Variants in ZHX3 observed in about 807,000 individuals in gnomAD.
ZHX3 encodes zinc fingers and homeoboxes protein 3.
A neutral mutation model predicts 64.5 loss-of-function variants in ZHX3; 20 were observed. The ratio of observed to expected loss-of-function variants is 0.31; its 90% CI spans 0.22 to 0.45. The LOEUF is 0.45. Among genes scored for constraint, ZHX3 ranks in the 20% least tolerant of loss-of-function variants. ZHX3 has a pLI of 1.00. For missense variants in ZHX3, 1,041 were observed against 1,195.8 expected (o/e 0.87, Z 1.91); for synonymous variants, 423 against 461.6 (o/e 0.92, Z 1.07).
At chr20:41,293,755 A>T (rs1305736076) in intron 1 of ZHX3, among the ~76,000 whole-genome samples, 1 of 152,238 alleles carries the variant, frequency 6.6e-6, no homozygotes, top group Non-Finnish European at 1.5e-5. Flanking sequence ...CCTGAAGAAG[A>T]GGTGACAATG....
At chr20:41,227,698 T>A (rs1600843796) in intron 2 of ZHX3, among the ~76,000 whole-genome samples, 1 of 152,392 alleles carries the variant, frequency 6.6e-6, no homozygotes, top group South Asian at 2.1e-4. Flanking sequence ...TCTGCCATTA[T>A]GAATTTGGTA....
intron 2 of ZHX3, among the ~76,000 whole-genome samples, chr20:41,218,991 G>A (rs1170601016): frequency 1.4e-5 from 2 of 147,568 alleles, no homozygotes; most frequent in South Asian, 2.2e-4. Flanking sequence ...GTGCAGTGGC[G>A]CGATCTCGGC....
chr20:41,249,725 C>T (rs2041895562), intron 2 of ZHX3, among the ~76,000 whole-genome samples: 1 of 152,224 alleles, frequency 6.6e-6, no homozygotes, highest in African/African-American at 2.4e-5. Context: ...ATGGTCTAAA[C>T]CCATTTCTCT....
chr20:41,237,253 C>G (rs563225861), intron 2 of ZHX3, among the ~76,000 whole-genome samples: 2 of 152,258 alleles, frequency 1.3e-5, no homozygotes, highest in Admixed American at 1.3e-4. Flanking sequence ...CCCAGCCATC[C>G]CATTACTGGG....
At chr20:41,250,477 A>T (rs530715441) in intron 2 of ZHX3, among the ~76,000 whole-genome samples, 3 of 152,216 alleles carry the variant, frequency 2.0e-5, no homozygotes, top group Admixed American at 1.3e-4. Flanking sequence ...TGAGGCCAGG[A>T]GTTCGAGACC....
At position 41,218,932 on chromosome 20, in the gene ZHX3, T is replaced by G. The variant is rs74273535; in HGVS notation, c.-150-13866A>C. 3.4e-3 allele frequency among the ~76,000 whole-genome samples: 491 copies of G among 145,038 alleles called. 30 individuals are homozygous for G. In the East Asian group the frequency reaches 0.089, roughly 26 times the overall value. Reference sequence around the variant, plus strand: ...CCCCTCAAACAGTGCTGTTTTTTTTTTTTTTTTTTTTTTTTGAGACGGAGT... The same window carrying G: ...CCCCTCAAACAGTGCTGTTTTTTTTGTTTTTTTTTTTTTTTGAGACGGAGT... On this transcript the variant is annotated intron_variant, in intron 2 of 3. Transcript: ENST00000683867.
intron 2 of ZHX3, among the ~76,000 whole-genome samples, chr20:41,249,001 C>A (rs1393360560): frequency 6.6e-6 from 1 of 152,198 alleles, no homozygotes; most frequent in Admixed American, 6.5e-5. Flanking sequence ...AAATAGTATG[C>A]AATTTTAACC....
Position 41,219,702 on chromosome 20 carries a change from G to T in ZHX3, c.-150-14636C>A, listed in dbSNP as rs1250539666. On this transcript the variant is annotated intron_variant, in intron 2 of 3. Transcript: ENST00000683867. The surrounding 1 kb of genome is among the most constrained non-coding windows in gnomAD (Gnocchi z 5.0). ...CTCAAGAAGCTAACAGTCTGTTGTGGTTATTAAGCTATCCACCAGGGCTCT... is the reference window on the plus strand; with the variant it reads ...CTCAAGAAGCTAACAGTCTGTTGTGTTTATTAAGCTATCCACCAGGGCTCT... Among the ~76,000 whole-genome samples, 1 of 152,258 alleles carries T rather than the reference G, an allele frequency of 6.6e-6. No homozygotes were observed. The highest frequency in any genetic ancestry group is 1.9e-4 in the East Asian group (1 of 5,206).
At chr20:41,240,418 A>G (rs1225121682) in intron 2 of ZHX3, among the ~76,000 whole-genome samples, 2 of 152,296 alleles carry the variant, frequency 1.3e-5, no homozygotes, top group South Asian at 4.1e-4. Flanking sequence ...TTGTAGGTAC[A>G]TGGTAGGTAT....
In ZHX3 at chr20:41,195,016, A is replaced by C. The variant is rs188377414; in HGVS notation, c.2860+7041T>G. Among the ~76,000 whole-genome samples the C allele has an allele frequency of 1.3e-5, 2 of 152,010 alleles. No individual in the cohort carries two copies. The highest frequency in any genetic ancestry group is 2.9e-5 in the Non-Finnish European group (2 of 68,004). ...CAACTTTTGGTTTCATTGATTCTCT[A>C]TATCTGCTCTAACCTTTATTTCCTT... On this transcript the variant is annotated intron_variant, in intron 3 of 3. Coordinates refer to ENST00000683867, the MANE Select transcript of ZHX3 (RefSeq NM_001384317.1). The surrounding 1 kb of genome is among the most constrained non-coding windows in gnomAD (Gnocchi z 4.2).
In ZHX3 at chr20:41,195,694, G is replaced by A. The variant is rs1382826802; in HGVS notation, c.2860+6363C>T. ...GCCTCCCAAAGTGTGGGGATTACAGGCATAAGCCACTGCGCCCAGCGTAAG... is the reference window on the plus strand; with the variant it reads ...GCCTCCCAAAGTGTGGGGATTACAGACATAAGCCACTGCGCCCAGCGTAAG... On this transcript the variant is annotated intron_variant, in intron 3 of 3. Transcript: ENST00000683867. The surrounding 1 kb of genome is among the most constrained non-coding windows in gnomAD (Gnocchi z 4.2). Among the ~76,000 whole-genome samples, 1 of 152,184 alleles carries A rather than the reference G, an allele frequency of 6.6e-6. No homozygotes were observed. The highest frequency in any genetic ancestry group is 1.5e-5 in the Non-Finnish European group (1 of 68,034).
At chr20:41,290,873 C>T (rs917252620) in intron 1 of ZHX3, among the ~76,000 whole-genome samples, 8 of 152,188 alleles carry the variant, frequency 5.3e-5, no homozygotes, top group Non-Finnish European at 1.0e-4. Flanking sequence ...TCCTCTCCCA[C>T]TTTCTTCATC....
intron 2 of ZHX3, among the ~76,000 whole-genome samples, chr20:41,249,808 G>C (rs1456160629): frequency 6.6e-6 from 1 of 152,204 alleles, no homozygotes; most frequent in East Asian, 1.9e-4. Context: ...AAGTCTGAAA[G>C]AAAAAGGAAG....
rs55666564 is a variant in ZHX3, at chr20:41,233,225, C to T, written c.-150-28159G>A. 8.1e-3 allele frequency among the ~76,000 whole-genome samples: 1,227 copies of T among 152,288 alleles called. 12 individuals carry two copies. The highest frequency in any genetic ancestry group is 0.028 in the African/African-American group (1,169 of 41,552). On this transcript the variant is annotated intron_variant, in intron 2 of 3. Coordinates refer to ENST00000683867, the MANE Select transcript of ZHX3 (RefSeq NM_001384317.1). ...GAATTTTGCCCTGTGTTCAGGAGTACATTACATATAAAAGTTAAGCAACAC... is the reference window on the plus strand; with the variant it reads ...GAATTTTGCCCTGTGTTCAGGAGTATATTACATATAAAAGTTAAGCAACAC...
At chr20:41,283,866 G>A (rs751682190) in intron 1 of ZHX3, among the ~76,000 whole-genome samples, 5 of 152,134 alleles carry the variant, frequency 3.3e-5, no homozygotes, top group Non-Finnish European at 5.9e-5. Flanking sequence ...CTCCTCTTAG[G>A]AACAGTAATG....
intron 1 of ZHX3, among the ~76,000 whole-genome samples, chr20:41,291,811 A>T (rs2044257550): frequency 6.6e-6 from 1 of 151,840 alleles, no homozygotes; most frequent in African/African-American, 2.4e-5. Flanking sequence ...TTAAATATAG[A>T]CTGAGTATTA....
intron 2 of ZHX3, among the ~76,000 whole-genome samples, chr20:41,249,265 A>C (rs911000721): frequency 7.2e-5 from 11 of 152,208 alleles, no homozygotes; most frequent in African/African-American, 2.7e-4. Flanking sequence ...TAGTTAAGTC[A>C]CAATTAAATA....
Position 41,203,405 on chromosome 20 carries a change from T to A in ZHX3, c.1512A>T (p.Glu504Asp). The change falls in exon 3 of 4, where the codon GAA becomes GAT. Residue 504 changes from glutamate (E) to aspartate (D), a missense_variant. Transcript: ENST00000683867. This position sits in a 1 kb window ranked among gnomAD's most constrained non-coding sequence, Gnocchi z 7.1. The part of the protein sequence containing the change: ...ASIYKNKKSH[E>D]QLSALKGSFC... ...AGCTCCCTTTCAGAGCTGACAGCTGTTCATGAGATTTCTTATTTTTGTAGA... is the reference window on the plus strand; with the variant it reads ...AGCTCCCTTTCAGAGCTGACAGCTGATCATGAGATTTCTTATTTTTGTAGA... The A allele has an allele frequency of 1.2e-6, 2 of 1,614,188 alleles. No homozygotes were observed. Among genetic ancestry groups the A allele is most frequent in the Admixed American group, 3.3e-5 (2 of 60,024 alleles).
chr20:41,304,795 C>T, intron 1 of ZHX3, among the ~76,000 whole-genome samples: 1 of 152,238 alleles, frequency 6.6e-6, no homozygotes, highest in East Asian at 1.9e-4. Flanking sequence ...TCCCCAGCAT[C>T]TTACACAGAC....
Sources: allele counts gnomAD v4.1 joint callset (sites outside exome capture counted in the v4.1 genomes callset), GRCh38; gene constraint gnomAD v4.1.1; non-coding constraint Gnocchi (gnomAD v3.1); transcripts MANE v1.5; gene names NCBI Gene and HGNC (gene_info 2026-07-23, HGNC 2026-07-21).